The following SLC2A5 variants were observed in gnomAD, a reference collection of about 807,000 sequenced individuals.
SLC2A5 encodes solute carrier family 2 member 5.
A neutral mutation model predicts 50.3 loss-of-function variants in SLC2A5; 56 were observed. That is an observed-to-expected ratio of 1.11 (90% CI 0.90 to 1.39). The LOEUF is 1.39. Among genes scored for constraint, SLC2A5 ranks in the 40% most tolerant of loss-of-function variants. The pLI is 0.00. For synonymous variants in SLC2A5, 269 were observed against 281.9 expected, an observed-to-expected ratio of 0.95 and a Z score of 0.46; for missense variants, 566 against 650.1, an observed-to-expected ratio of 0.87 and a Z score of 1.41.
At chr1:9,068,832 C>A (rs1000995473) in intron 1 of SLC2A5, among the ~76,000 whole-genome samples, 2 of 152,162 alleles carry the variant, frequency 1.3e-5, no homozygotes, top group Admixed American at 1.3e-4. Flanking sequence ...TTCCTCCACT[C>A]CAAATATAAG....
chr1:9,056,015 C>T (rs1474759036), intron 3 of SLC2A5, among the ~76,000 whole-genome samples: 1 of 152,190 alleles, frequency 6.6e-6, no homozygotes, highest in African/African-American at 2.4e-5. Flanking sequence ...CAATTAGCAA[C>T]CTTCAGCTCC....
At chr1:9,055,852 G>T (rs372891249) in intron 3 of SLC2A5, among the ~76,000 whole-genome samples, 26 of 152,026 alleles carry the variant, frequency 1.7e-4, no homozygotes, top group African/African-American at 5.6e-4. Flanking sequence ...GGAGGTGGAG[G>T]TTGCAGTGAG....
chr1:9,042,590 C>A (rs1182852424), intron 4 of SLC2A5, among the ~76,000 whole-genome samples: 1 of 116,500 alleles, frequency 8.6e-6, no homozygotes, highest in African/African-American at 3.5e-5. Flanking sequence ...ATATATATGG[C>A]CTCTGTGTGT....
At chr1:9,045,380 C>T (rs1260574006) in intron 4 of SLC2A5, among the ~76,000 whole-genome samples, 2 of 152,046 alleles carry the variant, frequency 1.3e-5, no homozygotes, top group African/African-American at 4.8e-5. Context: ...GGGTCTGAGA[C>T]CAAAAACTGA....
chr1:9,091,703 C>T (rs548363109), upstream of SLC2A5, among the ~76,000 whole-genome samples: 2 of 152,146 alleles, frequency 1.3e-5, no homozygotes, highest in Non-Finnish European at 2.9e-5. Flanking sequence ...CCATGTTTTA[C>T]CACCTTACTT....
Position 9,036,248 on chromosome 1 carries a change from A to G in SLC2A5, c.*1338T>C, listed in dbSNP as rs1641131832. On this transcript the variant is annotated 3_prime_UTR_variant, in exon 12 of 12. Coordinates refer to ENST00000377424, the MANE Select transcript of SLC2A5 (RefSeq NM_003039.3). ...GTGTGCAGTGATGCAATCATGACTC[A>G]GGGCAGCCTTGACCTCCCAGGCTCA... The G allele has an allele frequency of 6.6e-6, 1 of 152,178 alleles. No homozygotes were observed. Among genetic ancestry groups the G allele is most frequent in the African/African-American group, 2.4e-5 (1 of 41,444 alleles). The allele number at this position is 152,178 out of a possible 1,614,324, so 9.4% of individuals were successfully genotyped here. A position where few individuals can be genotyped will look rare whatever the true frequency, so the allele number is the denominator to read the frequency against.
chr1:9,072,803 A>AC (rs1446103517), upstream of SLC2A5, among the ~76,000 whole-genome samples: 7 of 151,676 alleles, frequency 4.6e-5, 1 homozygote, highest in Admixed American at 4.6e-4. Context: ...TGCCAAAAAA[A>AC]AAAAAAAAAT....
intron 9 of SLC2A5, 129 bp downstream of exon 9, chr1:9,038,699 G>A: frequency 7.2e-7 from 1 of 1,389,870 alleles, no homozygotes; most frequent in Non-Finnish European, 9.7e-7. Context: ...CAGATGTCTG[G>A]CCAGTTGTAT....
At chr1:9,047,501 C>A in intron 4 of SLC2A5, 109 bp downstream of exon 4, 1 of 1,161,092 alleles carries the variant, frequency 8.6e-7, no homozygotes, top group African/African-American at 1.5e-5. Flanking sequence ...GGTATAGGAA[C>A]GCTTTCTACA....
intron 3 of SLC2A5, among the ~76,000 whole-genome samples, chr1:9,052,021 C>T (rs564138027): frequency 1.3e-5 from 2 of 152,202 alleles, no homozygotes; most frequent in African/African-American, 2.4e-5. Flanking sequence ...CGCGGTGGCT[C>T]ACGCCTGTAA....
intron 2 of SLC2A5, among the ~76,000 whole-genome samples, chr1:9,080,853 G>A (rs771045686): frequency 2.0e-5 from 3 of 152,312 alleles, no homozygotes; most frequent in Admixed American, 1.3e-4. Flanking sequence ...CGCCTGGGGC[G>A]ATAGGTGTGA....
chr1:9,060,490 C>T (rs1308029847), intron 1 of SLC2A5, among the ~76,000 whole-genome samples: 1 of 140,804 alleles, frequency 7.1e-6, no homozygotes, highest in South Asian at 2.5e-4. Flanking sequence ...ATACCCCACC[C>T]CCCCACATAT....
chr1:9,079,519 T>G (rs1036834781), intron 2 of SLC2A5, among the ~76,000 whole-genome samples: 10 of 152,214 alleles, frequency 6.6e-5, no homozygotes, highest in Non-Finnish European at 1.5e-4. Context: ...AGAGTCTCAT[T>G]CTGTCACCCA....
Position 9,040,932 on chromosome 1 carries a change from C to T in SLC2A5, c.572-743G>A, listed in dbSNP as rs1426070587. 1 of 154,500 alleles carries T rather than the reference C, an allele frequency of 6.5e-6. No individual in the cohort carries two copies. Among genetic ancestry groups the T allele is most frequent in the Non-Finnish European group, 1.4e-5 (1 of 69,740 alleles). The allele number at this position is 154,500 out of a possible 1,614,324, so 9.6% of individuals were successfully genotyped here. On this transcript the variant is annotated intron_variant, in intron 5 of 11. Coordinates refer to ENST00000377424, the MANE Select transcript of SLC2A5 (RefSeq NM_003039.3). This position sits in a 1 kb window ranked among gnomAD's most constrained non-coding sequence, Gnocchi z 4.3. Reference sequence around the variant, plus strand: ...GTCTGTGCCGCTGGGTCTGCATCCTCATGAGACCTTGGACCAGTCTTCCAA... The same window carrying T: ...GTCTGTGCCGCTGGGTCTGCATCCTTATGAGACCTTGGACCAGTCTTCCAA...
rs770235701 is a variant in SLC2A5 at position 9,040,007 on chromosome 1, T to G, written c.698-20A>C. ...GTAGGGCTGGGGAGAAGCGGCACCGTCGGACCAGGGCTGGGGAGCAGAACC... is the reference window on the plus strand; with the variant it reads ...GTAGGGCTGGGGAGAAGCGGCACCGGCGGACCAGGGCTGGGGAGCAGAACC... On this transcript the variant is annotated intron_variant, in intron 6 of 11. Coordinates refer to ENST00000377424, the MANE Select transcript of SLC2A5 (RefSeq NM_003039.3). The surrounding 1 kb of genome is among the most constrained non-coding windows in gnomAD (Gnocchi z 4.3). 2.4e-5 allele frequency: 38 copies of G among 1,598,394 alleles called. No individual in the cohort carries two copies. The Middle Eastern group carries it at 4.7e-3, about 196-fold the overall frequency.
intron 1 of SLC2A5, among the ~76,000 whole-genome samples, chr1:9,066,420 A>G (rs1288801808): frequency 1.3e-5 from 2 of 152,100 alleles, no homozygotes; most frequent in Non-Finnish European, 2.9e-5. Context: ...CACTTTGTAG[A>G]GACCAAGTTT....
At chr1:9,092,338 C>T (rs1271312906), upstream of SLC2A5, among the ~76,000 whole-genome samples, 2 of 152,178 alleles carry the variant, frequency 1.3e-5, no homozygotes, top group Non-Finnish European at 2.9e-5. Flanking sequence ...CTACCTGACC[C>T]TGAATAAACA....
chr1:9,065,154 C>T (rs560555139), intron 1 of SLC2A5, among the ~76,000 whole-genome samples: 48 of 152,178 alleles, frequency 3.2e-4, no homozygotes, highest in African/African-American at 1.1e-3. Context: ...CACTCCTCTC[C>T]TGATTTGTCC....
At chr1:9,057,292 T>TAAAAAAAA (rs760221358) in intron 3 of SLC2A5, among the ~76,000 whole-genome samples, 156 bp downstream of exon 3, 6 of 103,394 alleles carry the variant, frequency 5.8e-5, no homozygotes, top group Admixed American at 9.0e-5. Context: ...TCTCAAAAAT[T>TAAAAAAAA]AAAAAAAAAA....
Sources: gnomAD v4.1 joint callset for allele counts (sites outside exome capture counted in the v4.1 genomes callset) on GRCh38, gnomAD v4.1.1 for gene constraint, Gnocchi (gnomAD v3.1) non-coding constraint, MANE v1.5 for transcripts, NCBI Gene and HGNC (gene_info 2026-07-23, HGNC 2026-07-21) for gene names.